The following R3HDM2 variants were observed in gnomAD, a reference collection of about 807,000 sequenced individuals.
R3HDM2 encodes the protein R3H domain-containing protein 2.
R3HDM2 carries 38 observed loss-of-function variants against 124.5 expected under a neutral mutation model. That is an observed-to-expected ratio of 0.31 (90% CI 0.24 to 0.40). The LOEUF is 0.40. Among genes scored for constraint, R3HDM2 ranks in the 10% least tolerant of loss-of-function variants. The pLI, the probability that R3HDM2 is intolerant of heterozygous loss-of-function variation, is 1.00. For missense variants in R3HDM2, 869 were observed against 1,236.9 expected, an observed-to-expected ratio of 0.70 and a Z score of 4.46; for synonymous variants, 391 against 448.0, an observed-to-expected ratio of 0.87 and a Z score of 1.61.
chr12:57,409,246 C>T (rs2068793415), intron 1 of R3HDM2, among the ~76,000 whole-genome samples: 1 of 152,086 alleles, frequency 6.6e-6, no homozygotes, highest in African/African-American at 2.4e-5. Flanking sequence ...CCAATAGCCA[C>T]TCTGCACTAA....
At chr12:57,329,975 T>C (rs1246575400) in intron 2 of R3HDM2, among the ~76,000 whole-genome samples, 1 of 152,168 alleles carries the variant, frequency 6.6e-6, no homozygotes, top group Non-Finnish European at 1.5e-5. Context: ...ATTTTTGTTG[T>C]TGTTGTTGTT....
At chr12:57,418,004 CT>C (rs1326883131) in intron 1 of R3HDM2, among the ~76,000 whole-genome samples, 1 of 152,194 alleles carries the variant, frequency 6.6e-6, no homozygotes, top group Non-Finnish European at 1.5e-5. Flanking sequence ...ATTAAACCTT[CT>C]TGTGGAGACT....
intron 1 of R3HDM2, among the ~76,000 whole-genome samples, chr12:57,422,335 A>T (rs1333004551): frequency 6.6e-6 from 1 of 152,140 alleles, no homozygotes; most frequent in East Asian, 1.9e-4. Context: ...TCAAATAAGG[A>T]CTTCAATATC....
chr12:57,378,125 C>G (rs998701155), intron 2 of R3HDM2, among the ~76,000 whole-genome samples: 3 of 152,036 alleles, frequency 2.0e-5, no homozygotes, highest in Non-Finnish European at 4.4e-5. Flanking sequence ...ACAAAAAACA[C>G]CTTTCATAGG....
At chr12:57,406,321 C>CAAAAAA (rs371243114) in intron 1 of R3HDM2, among the ~76,000 whole-genome samples, 2 of 55,362 alleles carry the variant, frequency 3.6e-5, no homozygotes, top group African/African-American at 6.7e-5. Flanking sequence ...AACTCCGTCT[C>CAAAAAA]AAAAAAAAAA....
At chr12:57,301,740 C>T (rs1020236874) in intron 4 of R3HDM2, among the ~76,000 whole-genome samples, 1 of 152,246 alleles carries the variant, frequency 6.6e-6, no homozygotes, top group Non-Finnish European at 1.5e-5. Flanking sequence ...GGCTGAGCCA[C>T]TCTCCAAATT....
At chr12:57,414,475 A>G (rs1167111090) in intron 1 of R3HDM2, among the ~76,000 whole-genome samples, 1 of 140,712 alleles carries the variant, frequency 7.1e-6, no homozygotes, top group Non-Finnish European at 1.5e-5. Context: ...GGGCAAAGAG[A>G]AAGACTCCAT....
At chr12:57,317,988 C>CAAAAAAAAA (rs769547852) in intron 2 of R3HDM2, among the ~76,000 whole-genome samples, 1 of 144,540 alleles carries the variant, frequency 6.9e-6, no homozygotes, top group African/African-American at 2.6e-5. Context: ...CCCGCCCCCC[C>CAAAAAAAAA]AAAAAAAAAA....
chr12:57,256,369 G>A, intron 22 of R3HDM2, 45 bp downstream of exon 22: 1 of 1,436,032 alleles, frequency 7.0e-7, no homozygotes, highest in Non-Finnish European at 9.5e-7. Context: ...ACCCAAATAA[G>A]AAGAGGGGTC....
chr12:57,367,261 G>A (rs1265683845), intron 2 of R3HDM2, among the ~76,000 whole-genome samples: 2 of 152,146 alleles, frequency 1.3e-5, no homozygotes, highest in Non-Finnish European at 2.9e-5. Context: ...CCTCATACCA[G>A]TGAACTAAAG....
At chr12:57,257,640 T>C (rs981325728) in intron 21 of R3HDM2, among the ~76,000 whole-genome samples, 1 of 152,220 alleles carries the variant, frequency 6.6e-6, no homozygotes, top group African/African-American at 2.4e-5. Flanking sequence ...TCTAAGACCA[T>C]ACCGTTTCTT....
chr12:57,415,361 G>A (rs1180598147), intron 1 of R3HDM2: 4 of 152,020 alleles, frequency 2.6e-5, no homozygotes, highest in Non-Finnish European at 5.9e-5. Flanking sequence ...CATGGCCCCT[G>A]ACCAAGGATA....
intron 2 of R3HDM2, among the ~76,000 whole-genome samples, chr12:57,353,137 A>C (rs1262548227): frequency 2.0e-5 from 3 of 152,122 alleles, no homozygotes; most frequent in Admixed American, 6.5e-5. Flanking sequence ...ACTTTTGATG[A>C]CTTCAAAATT....
intron 1 of R3HDM2, among the ~76,000 whole-genome samples, chr12:57,423,509 TCTACCAACAGCATTAGAAA>T (rs2070406932): frequency 6.6e-6 from 1 of 151,406 alleles, no homozygotes; most frequent in African/African-American, 2.4e-5. Context: ...GGGAGCTGTC[TCTACCAACAGCATTAGAAA>T]CTTTAAGTGG....
intron 10 of R3HDM2, among the ~76,000 whole-genome samples, chr12:57,293,979 G>T (rs2049183069): frequency 6.6e-6 from 1 of 152,134 alleles, no homozygotes; most frequent in African/African-American, 2.4e-5. Context: ...TGGGCTTTGA[G>T]GTCAGGCAGA....
chr12:57,257,595 C>G (rs1431913637), intron 21 of R3HDM2, among the ~76,000 whole-genome samples: 2 of 152,190 alleles, frequency 1.3e-5, no homozygotes, highest in African/African-American at 2.4e-5. Context: ...AGTGGTGAGA[C>G]TGGAACTTCT....
Position 57,304,407 on chromosome 12 carries a change from C to T in R3HDM2, c.166-1190G>A, listed in dbSNP as rs2052073658. 1.7e-5 allele frequency: 12 copies of T among 697,764 alleles called. No homozygotes were observed. The Admixed American group carries it at 7.6e-4, about 44-fold the overall frequency. 43.2% of individuals were successfully genotyped at this position (697,764 alleles called of 1,614,324 possible). On this transcript the variant is annotated intron_variant, in intron 3 of 23. Coordinates refer to ENST00000402412, the MANE Select transcript of R3HDM2 (RefSeq NM_001394031.1). Reference sequence around the variant, plus strand: ...TTCTGAGATGTTTGGAATGGAACTCCAATGGGGCGTAGAGGGAACTGAGGC... The same window carrying T: ...TTCTGAGATGTTTGGAATGGAACTCTAATGGGGCGTAGAGGGAACTGAGGC...
At position 57,294,588 on chromosome 12, in the gene R3HDM2, T is replaced by C. The variant is rs187866495; in HGVS notation, c.810+811A>G. Among the ~76,000 whole-genome samples, 134 of 152,248 alleles carry C rather than the reference T, an allele frequency of 8.8e-4. 2 individuals carry two copies. In the East Asian group the frequency reaches 0.021, roughly 24 times the overall value. On this transcript the variant is annotated intron_variant, in intron 10 of 23. Transcript: ENST00000402412. The stretch of plus-strand genomic sequence containing the variant: ...TGACACTAGAGGTAAGATATTATTA[T>C]AGTTATTAATTAGCAAGATTAATGT...
At chr12:57,369,407 A>G (rs1017725925) in intron 2 of R3HDM2, among the ~76,000 whole-genome samples, 1 of 152,224 alleles carries the variant, frequency 6.6e-6, no homozygotes, top group African/African-American at 2.4e-5. Flanking sequence ...CTACATCATC[A>G]GGCCATCAGG....
Sources: allele counts gnomAD v4.1 joint callset (sites outside exome capture counted in the v4.1 genomes callset), GRCh38; gene constraint gnomAD v4.1.1; transcripts MANE v1.5; gene names NCBI Gene and HGNC (gene_info 2026-07-23, HGNC 2026-07-21).